Variants in CHRM3 observed in about 807,000 individuals in gnomAD.
CHRM3 encodes muscarinic acetylcholine receptor M3.
A neutral mutation model predicts 41.8 loss-of-function variants in CHRM3; 11 were observed. The observed-to-expected ratio is 0.26, with a 90% CI of 0.17 to 0.44. CHRM3 has a LOEUF of 0.44. Ranked by LOEUF, CHRM3 falls within the 20% of genes least tolerant of loss-of-function variation. CHRM3 has a pLI of 1.00. For missense variants in CHRM3, 571 were observed against 745.4 expected (o/e 0.77, Z 2.72); for synonymous variants, 297 against 301.4 (o/e 0.99, Z 0.15).
rs573251818 is a variant in CHRM3, at chr1:239,793,458, C to CATT, written c.-146-33792_-146-33790dup. Among the ~76,000 whole-genome samples, 241 of 152,272 alleles carry CATT rather than the reference C, an allele frequency of 1.6e-3. 2 individuals are homozygous for CATT. The highest frequency in any genetic ancestry group is 3.0e-3 in the Non-Finnish European group (206 of 68,026). The stretch of plus-strand genomic sequence containing the variant: ...AAAAGAGTGAGAGGGAGCCTGTCAG[C>CATT]ATTAGGGACTTTTTAAAAACTGATG... On this transcript the variant is annotated intron_variant, in intron 5 of 6. Transcript: ENST00000676153.
intron 5 of CHRM3, among the ~76,000 whole-genome samples, chr1:239,690,424 T>A (rs1659603760): frequency 6.6e-6 from 1 of 151,760 alleles, no homozygotes; most frequent in African/African-American, 2.4e-5. Context: ...TAGAGACGGG[T>A]TTCACCACGT....
At chr1:239,837,680 T>G (rs1673440892) in intron 6 of CHRM3, among the ~76,000 whole-genome samples, 1 of 152,238 alleles carries the variant, frequency 6.6e-6, no homozygotes, top group South Asian at 2.1e-4. Flanking sequence ...TACATAATTA[T>G]AAATCATTAT....
chr1:239,522,926 C>T (rs569282624), intron 2 of CHRM3, among the ~76,000 whole-genome samples: 12 of 152,194 alleles, frequency 7.9e-5, no homozygotes, highest in African/African-American at 2.9e-4. Context: ...AGTATTACTA[C>T]TCATGTCCAT....
intron 6 of CHRM3, chr1:239,886,586 T>C (rs189977081): frequency 1.1e-4 from 16 of 152,344 alleles, no homozygotes; most frequent in Non-Finnish European, 1.9e-4. Flanking sequence ...ATAAATCATA[T>C]AATTGTAGGC....
chr1:239,890,193 C>T (rs1346774272), intron 6 of CHRM3, among the ~76,000 whole-genome samples: 1 of 151,788 alleles, frequency 6.6e-6, no homozygotes, highest in Non-Finnish European at 1.5e-5. Context: ...TTCAGCTACT[C>T]GGGAGGCTGA....
At chr1:239,671,694 A>T (rs528440412) in intron 4 of CHRM3, among the ~76,000 whole-genome samples, 1 of 150,922 alleles carries the variant, frequency 6.6e-6, no homozygotes, top group South Asian at 2.1e-4. Context: ...TGAGGAGGTG[A>T]GGTGGGGTGT....
intron 6 of CHRM3, among the ~76,000 whole-genome samples, chr1:239,866,249 C>T (rs545422391): frequency 1.3e-5 from 2 of 151,998 alleles, no homozygotes; most frequent in African/African-American, 2.4e-5. Flanking sequence ...TGGTGGCGGG[C>T]ACCTGTAGTC....
At chr1:239,828,633 G>A (rs138425434) in intron 6 of CHRM3, among the ~76,000 whole-genome samples, 12 of 152,260 alleles carry the variant, frequency 7.9e-5, no homozygotes, top group African/African-American at 2.4e-4. Flanking sequence ...CACATTTGGA[G>A]TATTCCCGGA....
At chr1:239,811,195 C>A (rs942684801) in intron 5 of CHRM3, among the ~76,000 whole-genome samples, 4 of 152,156 alleles carry the variant, frequency 2.6e-5, no homozygotes, top group African/African-American at 9.7e-5. Flanking sequence ...AGAGCAGACC[C>A]ACACAATGAG....
rs977330932 is a variant in CHRM3 at position 239,559,532 on chromosome 1, A to G, written c.-313+13783A>G. The stretch of plus-strand genomic sequence containing the variant: ...CTTTAAACCCAAATTCGGAGGGGCT[A>G]ATTTTTAAAATATCAAATATGCCTC... On this transcript the variant is annotated intron_variant, in intron 3 of 6. Coordinates refer to ENST00000676153, the MANE Select transcript of CHRM3 (RefSeq NM_001375978.1). Among the ~76,000 whole-genome samples the G allele has an allele frequency of 2.6e-5, 4 of 152,200 alleles. No homozygotes were observed. The East Asian group carries it at 5.8e-4, about 22-fold the overall frequency.
intron 5 of CHRM3, among the ~76,000 whole-genome samples, chr1:239,695,305 C>T (rs1013550225): frequency 6.6e-5 from 10 of 152,014 alleles, no homozygotes; most frequent in African/African-American, 1.7e-4. Flanking sequence ...CCACTGTGCC[C>T]GGCCATACAA....
intron 2 of CHRM3, among the ~76,000 whole-genome samples, chr1:239,502,311 G>A (rs1005996017): frequency 6.6e-5 from 10 of 152,018 alleles, no homozygotes; most frequent in African/African-American, 1.7e-4. Flanking sequence ...ACACCTTTAC[G>A]CACATAAACC....
At chr1:239,743,129 C>A (rs1433822127) in intron 5 of CHRM3, among the ~76,000 whole-genome samples, 1 of 152,072 alleles carries the variant, frequency 6.6e-6, no homozygotes, top group African/African-American at 2.4e-5. Flanking sequence ...AATGAGGATA[C>A]CTTTATTTTA....
rs559201340 is a variant in CHRM3, at chr1:239,618,626, C to T, written c.-312-13598C>T. ...TTGGGAGGCCAAGGCGGTCGGATCACGAGGTCAGGAGATCGAGACCATCCT... is the reference window on the plus strand; with the variant it reads ...TTGGGAGGCCAAGGCGGTCGGATCATGAGGTCAGGAGATCGAGACCATCCT... On this transcript the variant is annotated intron_variant, in intron 3 of 6. Coordinates refer to ENST00000676153, the MANE Select transcript of CHRM3 (RefSeq NM_001375978.1). 3.1e-3 allele frequency among the ~76,000 whole-genome samples: 465 copies of T among 151,674 alleles called. 4 individuals carry two copies. The highest frequency in any genetic ancestry group is 0.01 in the African/African-American group (419 of 41,420).
intron 1 of CHRM3, among the ~76,000 whole-genome samples, chr1:239,471,194 G>A (rs990388380): frequency 2.0e-5 from 3 of 152,158 alleles, no homozygotes; most frequent in African/African-American, 7.2e-5. Context: ...CAAAATAAGT[G>A]TTTATGATAG....
chr1:239,544,182 T>G (rs1659063393), intron 2 of CHRM3, among the ~76,000 whole-genome samples: 1 of 152,176 alleles, frequency 6.6e-6, no homozygotes, highest in African/African-American at 2.4e-5. Flanking sequence ...CCAAGCTGGC[T>G]GTTTTTTTGT....
chr1:239,541,218 T>C (rs1377137704), intron 2 of CHRM3, among the ~76,000 whole-genome samples: 1 of 152,030 alleles, frequency 6.6e-6, no homozygotes, highest in Non-Finnish European at 1.5e-5. Context: ...TACTAATATC[T>C]GTGTGACTTT....
At chr1:239,673,788 A>G (rs376104758) in intron 4 of CHRM3, among the ~76,000 whole-genome samples, 4 of 152,090 alleles carry the variant, frequency 2.6e-5, no homozygotes, top group East Asian at 3.9e-4. Context: ...ACTTATGGCT[A>G]CTTAATGCAC....
chr1:239,517,328 A>G (rs1337593193), intron 2 of CHRM3, among the ~76,000 whole-genome samples: 2 of 152,228 alleles, frequency 1.3e-5, no homozygotes, highest in Non-Finnish European at 1.5e-5. Flanking sequence ...CCCTCAATTT[A>G]TAAATGTGAA....
Sources: allele counts gnomAD v4.1 joint callset (sites outside exome capture counted in the v4.1 genomes callset), GRCh38; gene constraint gnomAD v4.1.1; transcripts MANE v1.5; gene names NCBI Gene and HGNC (gene_info 2026-07-23, HGNC 2026-07-21).